Variants in NIBAN3 observed in about 807,000 individuals in gnomAD.
NIBAN3 encodes niban apoptosis regulator 3.
A neutral mutation model predicts 76.4 loss-of-function variants in NIBAN3; 66 were observed. That is an observed-to-expected ratio of 0.86 (90% confidence interval 0.71 to 1.06). The LOEUF is 1.06. Ranked by LOEUF, NIBAN3 falls within the 50% of genes least tolerant of loss-of-function variation. NIBAN3 has a pLI of 0.00. For synonymous variants in NIBAN3, 360 were observed against 355.2 expected, an observed-to-expected ratio of 1.01 and a Z score of -0.15; for missense variants, 808 against 810.7, an observed-to-expected ratio of 1.00 and a Z score of 0.04.
intron 14 of NIBAN3, among the ~76,000 whole-genome samples, chr19:17,551,200 A>G (rs1319582509): frequency 2.0e-5 from 3 of 151,622 alleles, no homozygotes; most frequent in Admixed American, 1.3e-4. Context: ...GGTTCAAGCA[A>G]TTCTCCTGCC....
chr19:17,527,295 G>A lies in NIBAN3; in HGVS notation c.-46G>A, dbSNP rs764139079. The A allele has an allele frequency of 4.9e-5, 76 of 1,550,550 alleles. No individual in the cohort carries two copies. Among genetic ancestry groups the A allele is most frequent in the African/African-American group, 6.9e-5 (5 of 72,970 alleles). ...TGCCCCTGAGCCGAGGAACGCAGGCGGTGGTCGTGGGGAAGGGAAGAGGAG... is the reference window on the plus strand; with the variant it reads ...TGCCCCTGAGCCGAGGAACGCAGGCAGTGGTCGTGGGGAAGGGAAGAGGAG... On this transcript the variant is annotated 5_prime_UTR_variant, in exon 1 of 15. Transcript: ENST00000599164.
At position 17,530,812 on chromosome 19, in the gene NIBAN3, C is replaced by T. The variant is rs754106858; in HGVS notation, c.113C>T (p.Ala38Val). Residue 38 changes from alanine (A) to valine (V), a missense_variant, in exon 2 of 15, where the codon GCG becomes GTG. By Grantham distance (64) the Ala-to-Val change is moderately conservative. Transcript: ENST00000599164. Reference protein sequence around the residue: ...FLPCYRGQLAASVLRQISREL... With the variant: ...FLPCYRGQLAVSVLRQISREL... ...CCTTGCTACCGTGGGCAGCTGGCAG[C>T]GTCTGTCCTGCGGCAGATCTCTCGA... 5.6e-6 allele frequency: 9 copies of T among 1,613,344 alleles called. No individual in the cohort carries two copies. The highest frequency in any genetic ancestry group is 2.2e-5 in the East Asian group (1 of 44,832).
upstream of NIBAN3, chr19:17,527,266 C>A (rs1358447519): frequency 1.3e-6 from 2 of 1,550,440 alleles, no homozygotes; most frequent in Non-Finnish European, 1.7e-6. Context: ...ACCCGCCATC[C>A]AGGTGCCCCT....
rs1351931919 is a variant in NIBAN3, at chr19:17,542,294, G to A, written c.1329G>A (p.Gln443=). The change falls in exon 10 of 15, where the codon CAG becomes CAA. Residue 443 remains glutamine, a splice_region_variant and synonymous_variant. Coordinates refer to ENST00000599164, the MANE Select transcript of NIBAN3 (RefSeq NM_001321827.2). This position sits in a 1 kb window ranked among gnomAD's most constrained non-coding sequence, Gnocchi z 4.8. ...TTGGGGCCCAAGATCTTGCACAGCA[G>A]GTGAGGGTGAGAGGAGGCTGGGATG... ...LVFGAQDLAQ[Q]LMADAVATFL... The A allele has an allele frequency of 2.5e-6, 4 of 1,603,192 alleles. No individual in the cohort carries two copies. The highest frequency in any genetic ancestry group is 3.4e-6 in the Non-Finnish European group (4 of 1,174,642).
Position 17,553,261 on chromosome 19 carries a change from T to G in NIBAN3, c.*1363T>G. The G allele has an allele frequency of 6.3e-7, 1 of 1,595,658 alleles. No individual in the cohort carries two copies. The highest frequency in any genetic ancestry group is 1.1e-5 in the South Asian group (1 of 89,378). ...AACGCTTTGTGATACAGGTTACAGA[T>G]TTTGGGGTTTTTTTCTCCGCTTGCT... On this transcript the variant is annotated 3_prime_UTR_variant, in exon 15 of 15. Coordinates refer to ENST00000599164, the MANE Select transcript of NIBAN3 (RefSeq NM_001321827.2).
rs1568459324 is a variant in NIBAN3, at chr19:17,543,625, CA to C, written c.1553del (p.Lys518ArgfsTer18). 6.2e-7 allele frequency: 1 copy of C among 1,610,702 alleles called. No homozygotes were observed. The highest frequency in any genetic ancestry group is 2.2e-5 in the East Asian group (1 of 44,858). Reference protein sequence around the residue: ...FVLSQLEPGCKKELPEFEGDV... With the variant: ...FVLSQLEPGCXKELPEFEGDV... ...TGCTGAGCCAACTCGAGCCAGGCTG[CA>C]AAAAGGTGAGTTAATGGGAAGTGTG... On this transcript the variant is annotated frameshift_variant, in exon 12 of 15. Coordinates refer to ENST00000599164, the MANE Select transcript of NIBAN3 (RefSeq NM_001321827.2). LOFTEE classifies it high-confidence loss of function.
chr19:17,549,013 G>A (rs1463628257), intron 13 of NIBAN3, among the ~76,000 whole-genome samples: 1 of 152,024 alleles, frequency 6.6e-6, no homozygotes, highest in Non-Finnish European at 1.5e-5. Flanking sequence ...TGGGAGCCAG[G>A]GAATGAGGGA....
In NIBAN3 at chr19:17,539,819, A is replaced by G. The variant is rs924703007; in HGVS notation, c.979+54A>G. 4 of 1,377,288 alleles carry G rather than the reference A, an allele frequency of 2.9e-6. No homozygotes were observed. The African/African-American group carries it at 5.9e-5, about 20-fold the overall frequency. The allele number at this position is 1,377,288 out of a possible 1,614,324, so 85.3% of individuals were successfully genotyped here. A position where few individuals can be genotyped will look rare whatever the true frequency, so the allele number is the denominator to read the frequency against. On this transcript the variant is annotated intron_variant, in intron 8 of 14. Transcript: ENST00000599164. ...GGAGGGGCGAGGCGATGCTGGGGAA[A>G]AAGGGGCGTGACCTAAGCGAAGAAT...
At position 17,543,299 on chromosome 19, in the gene NIBAN3, T is replaced by C; in HGVS notation, c.1330-18T>C. ...TGGAGCACAGATTCTGGGGTCATCATAGCATCTCCTCCCACAGCTCATGGC... is the reference window on the plus strand; with the variant it reads ...TGGAGCACAGATTCTGGGGTCATCACAGCATCTCCTCCCACAGCTCATGGC... On this transcript the variant is annotated intron_variant, in intron 10 of 14. Transcript: ENST00000599164. 3 of 1,511,702 alleles carry C rather than the reference T, an allele frequency of 2.0e-6. No homozygotes were observed. The highest frequency in any genetic ancestry group is 2.0e-5 in the Admixed American group (1 of 50,484). The allele number at this position is 1,511,702 out of a possible 1,614,324, so 93.6% of individuals were successfully genotyped here.
At chr19:17,548,425 A>T (rs888011922) in intron 13 of NIBAN3, among the ~76,000 whole-genome samples, 9 of 152,190 alleles carry the variant, frequency 5.9e-5, no homozygotes, top group African/African-American at 1.7e-4. Flanking sequence ...TTCTGGGAAC[A>T]AAGGACAGGC....
upstream of NIBAN3, among the ~76,000 whole-genome samples, chr19:17,523,639 C>T (rs977359911): frequency 3.3e-5 from 5 of 152,170 alleles, no homozygotes; most frequent in African/African-American, 9.7e-5. Flanking sequence ...CTACTCTTTG[C>T]GAGAGTGACA....
At chr19:17,551,307 C>A (rs1407977335) in intron 14 of NIBAN3, among the ~76,000 whole-genome samples, 3 of 151,340 alleles carry the variant, frequency 2.0e-5, no homozygotes, top group Non-Finnish European at 4.4e-5. Context: ...GTCGGCCAGG[C>A]TGATTTTGAA....
At chr19:17,551,599 G>A (rs896154870) in intron 14 of NIBAN3, among the ~76,000 whole-genome samples, 187 bp from the exon 15 acceptor site, 1 of 151,984 alleles carries the variant, frequency 6.6e-6, no homozygotes, top group African/African-American at 2.4e-5. Context: ...GTAAAGATGA[G>A]GTTTCACCAT....
At chr19:17,534,825 G>C (rs1456157216) in intron 4 of NIBAN3, among the ~76,000 whole-genome samples, 1 of 150,990 alleles carries the variant, frequency 6.6e-6, no homozygotes, top group Non-Finnish European at 1.5e-5. Flanking sequence ...AAAGAAATTA[G>C]AGAAGGAACA....
Position 17,527,321 on chromosome 19 carries a change from C to G in NIBAN3, c.-20C>G, listed in dbSNP as rs777382481. On this transcript the variant is annotated 5_prime_UTR_variant, in exon 1 of 15. Transcript: ENST00000599164. ...GTGGTCGTGGGGAAGGGAAGAGGAG[C>G]CCCGGGAGACGACAGCAGCATGGGT... The G allele has an allele frequency of 1.9e-6, 3 of 1,550,406 alleles. No homozygotes were observed. Among genetic ancestry groups the G allele is most frequent in the African/African-American group, 2.7e-5 (2 of 72,922 alleles).
intron 8 of NIBAN3, 88 bp downstream of exon 8, chr19:17,539,853 A>G (rs898292690): frequency 4.7e-6 from 4 of 854,582 alleles, no homozygotes; most frequent in Non-Finnish European, 6.3e-6. Flanking sequence ...ATGGGCTTGA[A>G]GTTATGTAAA....
Position 17,553,380 on chromosome 19 carries a change from G to A in NIBAN3, c.*1482G>A, listed in dbSNP as rs1314446311. 3.7e-6 allele frequency: 6 copies of A among 1,614,036 alleles called. No homozygotes were observed. In the South Asian group the frequency reaches 5.5e-5, roughly 15 times the overall value. On this transcript the variant is annotated 3_prime_UTR_variant, in exon 15 of 15. Coordinates refer to ENST00000599164, the MANE Select transcript of NIBAN3 (RefSeq NM_001321827.2). ...AAGCTTTTACCGACTTCCTCTGCTT[G>A]CCAGCAAAGTCATCTGCTAACTGGA...
At position 17,548,122 on chromosome 19, in the gene NIBAN3, C is replaced by T. The variant is rs114225328; in HGVS notation, c.1667-1322C>T. On this transcript the variant is annotated intron_variant, in intron 13 of 14. Transcript: ENST00000599164. ...AGGAGCTCCAGAAACATCTTTCTCC[C>T]TCCTGCTTCCTGAGTTCATTCATGG... Among the ~76,000 whole-genome samples, 703 of 152,296 alleles carry T rather than the reference C, an allele frequency of 4.6e-3. 11 individuals carry two copies. The highest frequency in any genetic ancestry group is 0.016 in the African/African-American group (667 of 41,548).
Position 17,532,261 on chromosome 19 carries a change from A to G in NIBAN3, c.187-2A>G, listed in dbSNP as rs1449403272. On this transcript the variant is annotated splice_acceptor_variant, in intron 2 of 14. Transcript: ENST00000599164. LOFTEE classifies it high-confidence loss of function. ...GACACCCACTGCTCCCTCTTTCTGC[A>G]GAAGCTGCCCCGAGTCCGTGAGCAC... 2 of 1,606,616 alleles carry G rather than the reference A, an allele frequency of 1.2e-6. No individual in the cohort carries two copies. The highest frequency in any genetic ancestry group is 2.2e-5 in the South Asian group (2 of 90,274).
Sources: gnomAD v4.1 joint callset for allele counts (sites outside exome capture counted in the v4.1 genomes callset) on GRCh38, gnomAD v4.1.1 for gene constraint, Gnocchi (gnomAD v3.1) non-coding constraint, MANE v1.5 for transcripts, NCBI Gene and HGNC (gene_info 2026-07-23, HGNC 2026-07-21) for gene names.